Variants in RIBC2 observed in about 807,000 individuals in gnomAD.
RIBC2 encodes the protein RIB43A domain with coiled-coils 2.
In RIBC2, 40 loss-of-function variants were observed where a neutral mutation model predicts 44.3. The observed-to-expected ratio is 0.90, with a 90% CI of 0.70 to 1.18. The LOEUF (loss-of-function observed/expected upper bound fraction) is 1.18, where lower values mean the gene tolerates loss of function less well. Among genes scored for constraint, RIBC2 ranks in the 50% most tolerant of loss-of-function variants. RIBC2 has a pLI of 0.00. For synonymous variants in RIBC2, 171 were observed against 175.0 expected, an observed-to-expected ratio of 0.98 and a Z score of 0.18; for missense variants, 459 against 485.5, an observed-to-expected ratio of 0.95 and a Z score of 0.51.
chr22:45,431,139 C>G, intron 6 of RIBC2, 73 bp downstream of exon 6: 1 of 1,508,340 alleles, frequency 6.6e-7, no homozygotes, highest in Non-Finnish European at 9.0e-7. Context: ...AGGTCAAGGA[C>G]GAGGAGGGGG....
At position 45,419,606 on chromosome 22, in the gene RIBC2, C is replaced by G. The variant is rs910064467; in HGVS notation, c.556+1660C>G. On this transcript the variant is annotated intron_variant, in intron 3 of 6. Transcript: ENST00000614167. Reference sequence around the variant, plus strand: ...AAAGTTAGCTGGGCATGGTGTCGTGCCCATGTAGTCCCAGCTACTCAGGAG... The same window carrying G: ...AAAGTTAGCTGGGCATGGTGTCGTGGCCATGTAGTCCCAGCTACTCAGGAG... Among the ~76,000 whole-genome samples, 8 of 152,224 alleles carry G rather than the reference C, an allele frequency of 5.3e-5. No homozygotes were observed. The East Asian group carries it at 1.2e-3, about 22-fold the overall frequency.
At chr22:45,414,745 A>T (rs1243732348) in intron 2 of RIBC2, among the ~76,000 whole-genome samples, 1 of 152,198 alleles carries the variant, frequency 6.6e-6, no homozygotes, top group Non-Finnish European at 1.5e-5. Flanking sequence ...TTCTTCTCTT[A>T]AAAACAGCTA....
At chr22:45,425,084 G>A (rs1189814045) in intron 4 of RIBC2, among the ~76,000 whole-genome samples, 1 of 151,922 alleles carries the variant, frequency 6.6e-6, no homozygotes, top group Non-Finnish European at 1.5e-5. Flanking sequence ...TTGTGCCACT[G>A]CACTCCAGCC....
At chr22:45,423,429 C>G (rs2087505385) in intron 4 of RIBC2, among the ~76,000 whole-genome samples, 1 of 152,168 alleles carries the variant, frequency 6.6e-6, no homozygotes, top group Admixed American at 6.6e-5. Context: ...CCAAAGAAGG[C>G]TGTGCAGGAT....
At chr22:45,418,159 CAGGAGGGAAA>C in intron 3 of RIBC2, 2 of 440,044 alleles carry the variant, frequency 4.5e-6, no homozygotes, top group Non-Finnish European at 8.1e-6. Flanking sequence ...GCCTGCCCTC[CAGGAGGGAAA>C]CACCTGCAAT....
intron 3 of RIBC2, among the ~76,000 whole-genome samples, chr22:45,419,991 A>G (rs2087462512): frequency 6.6e-6 from 1 of 152,220 alleles, no homozygotes; most frequent in Admixed American, 6.5e-5. Context: ...GTGCCACTGC[A>G]CTCCACCCTG....
At chr22:45,431,366 G>A (rs2146892790) in intron 6 of RIBC2, among the ~76,000 whole-genome samples, 1 of 152,280 alleles carries the variant, frequency 6.6e-6, no homozygotes, top group African/African-American at 2.4e-5. Context: ...GACCCAGGAG[G>A]AGGATGGCAC....
chr22:45,432,117 CG>C (rs1569212820), intron 6 of RIBC2, among the ~76,000 whole-genome samples, 166 bp from the exon 7 acceptor site: 1 of 151,508 alleles, frequency 6.6e-6, no homozygotes, highest in African/African-American at 2.4e-5. Flanking sequence ...CGCTGAGGAG[CG>C]GTTGAGATGG....
In RIBC2 at chr22:45,414,370, G is replaced by A. The variant is rs1249305820; in HGVS notation, c.178G>A (p.Glu60Lys). Residue 60 changes from glutamate (E) to lysine (K), a missense_variant, in exon 2 of 7, where the codon GAA (glutamate) becomes AAA (lysine). Coordinates refer to ENST00000614167, the MANE Select transcript of RIBC2 (RefSeq NM_015653.5). ...DVQVHDQKIK[E>K]ATEKARHETF... is the part of the protein sequence containing the mutation. ...TCAAGTTCATGACCAGAAGATAAAA[G>A]AAGCTACTGAAAAAGCTAGACATGA... The A allele has an allele frequency of 7.1e-6, 11 of 1,551,032 alleles. No individual in the cohort carries two copies. Among genetic ancestry groups the A allele is most frequent in the Non-Finnish European group, 8.7e-6 (10 of 1,146,752 alleles).
Position 45,426,052 on chromosome 22 carries a change from C to G in RIBC2, c.780C>G (p.Asn260Lys). The change falls in exon 5 of 7, where the codon AAC (asparagine) becomes AAG (lysine). Residue 260 changes from asparagine to lysine, a missense_variant. Asn to Lys is a moderately conservative substitution (Grantham distance 94). Coordinates refer to ENST00000614167, the MANE Select transcript of RIBC2 (RefSeq NM_015653.5). ...TGCGTGGGGACCTGCTCTCCGAGAA[C>G]CCGCAGCAGGCAGCCAGCTCCTTCG... ...NLLRGDLLSE[N>K]PQQAASSFGP... 1 of 1,614,104 alleles carries G rather than the reference C, an allele frequency of 6.2e-7. No homozygotes were observed. Among genetic ancestry groups the G allele is most frequent in the East Asian group, 2.2e-5 (1 of 44,886 alleles).
rs757803429 is a variant in RIBC2, at chr22:45,432,305, C to T, written c.1092C>T (p.Val364=). ...TCAGGAAAAAATATATGAATGAAGT[C>T]TATACAAATCAACCCACGGGAGACT... ...QHLQKKYMNE[V]YTNQPTGDYF... Residue 364 remains valine, a synonymous_variant, in exon 7 of 7, where the codon GTC becomes GTT. Transcript: ENST00000614167. The T allele has an allele frequency of 1.3e-6, 2 of 1,585,180 alleles. No individual in the cohort carries two copies. Among genetic ancestry groups the T allele is most frequent in the Admixed American group, 3.4e-5 (2 of 58,716 alleles).
At position 45,414,530 on chromosome 22, in the gene RIBC2, G is replaced by A. The variant is rs1296340399; in HGVS notation, c.211+127G>A. On this transcript the variant is annotated intron_variant, in intron 2 of 6. Coordinates refer to ENST00000614167, the MANE Select transcript of RIBC2 (RefSeq NM_015653.5). Reference sequence around the variant, plus strand: ...TTATTTTTTTTATTTAATAGAGATAGGGTCTCACTATGTTGCCCAGGCTGG... The same window carrying A: ...TTATTTTTTTTATTTAATAGAGATAAGGTCTCACTATGTTGCCCAGGCTGG... 8.8e-6 allele frequency: 5 copies of A among 565,524 alleles called. No homozygotes were observed. The Admixed American group carries it at 1.1e-4, about 12-fold the overall frequency. 35.0% of individuals were successfully genotyped at this position (565,524 alleles called of 1,614,324 possible).
Position 45,417,710 on chromosome 22 carries a change from A to G in RIBC2, c.320A>G (p.Gln107Arg). 6.2e-7 allele frequency: 1 copy of G among 1,614,200 alleles called. No homozygotes were observed. Among genetic ancestry groups the G allele is most frequent in the Non-Finnish European group, 8.5e-7 (1 of 1,180,034 alleles). Reference sequence around the variant, plus strand: ...ATCAATGACTTCCAACAGAGCTTTCAGAAGCCAGAAACTCGCCGTGAATTT... The same window carrying G: ...ATCAATGACTTCCAACAGAGCTTTCGGAAGCCAGAAACTCGCCGTGAATTT... Reference protein sequence around the residue: ...RAINDFQQSFQKPETRREFDL... With the variant: ...RAINDFQQSFRKPETRREFDL... The change falls in exon 3 of 7, where the codon CAG (glutamine) becomes CGG (arginine). Residue 107 changes from glutamine (Q) to arginine (R), a missense_variant. Coordinates refer to ENST00000614167, the MANE Select transcript of RIBC2 (RefSeq NM_015653.5).
At chr22:45,429,757 C>A (rs1238718552) in intron 5 of RIBC2, among the ~76,000 whole-genome samples, 1 of 152,124 alleles carries the variant, frequency 6.6e-6, no homozygotes, top group Non-Finnish European at 1.5e-5. Context: ...CACAGGAGAT[C>A]GGCCGGCCAT....
chr22:45,432,481 C>A lies in RIBC2; in HGVS notation c.*119C>A. ...CAAGTACCCTTCAGCTGTAATCGTC[C>A]ACTGTGGACAAAACATTTATCTAAC... is the stretch of plus-strand genomic sequence containing the variant. On this transcript the variant is annotated 3_prime_UTR_variant, in exon 7 of 7. Coordinates refer to ENST00000614167, the MANE Select transcript of RIBC2 (RefSeq NM_015653.5). 3.1e-6 allele frequency: 2 copies of A among 645,660 alleles called. No individual in the cohort carries two copies. Among genetic ancestry groups the A allele is most frequent in the Non-Finnish European group, 2.8e-6 (1 of 362,780 alleles). 40.0% of individuals were successfully genotyped at this position (645,660 alleles called of 1,614,324 possible).
intron 2 of RIBC2, among the ~76,000 whole-genome samples, chr22:45,414,812 T>C (rs1016508836): frequency 6.6e-5 from 10 of 152,160 alleles, no homozygotes; most frequent in Non-Finnish European, 8.8e-5. Context: ...TATGTTTTCC[T>C]TCATTTTCTT....
chr22:45,414,263 G>T, intron 1 of RIBC2, 59 bp from the exon 2 acceptor site: 1 of 1,519,070 alleles, frequency 6.6e-7, no homozygotes, highest in Non-Finnish European at 8.8e-7. Context: ...AAGTAGGATT[G>T]TTATTACTGA....
At chr22:45,416,681 C>G (rs1358542007) in intron 2 of RIBC2, among the ~76,000 whole-genome samples, 1 of 151,908 alleles carries the variant, frequency 6.6e-6, no homozygotes, top group Admixed American at 6.6e-5. Flanking sequence ...AGGATAAGCT[C>G]TATCTCTTGA....
chr22:45,425,223 G>T (rs561417246), intron 4 of RIBC2, among the ~76,000 whole-genome samples: 44 of 152,302 alleles, frequency 2.9e-4, no homozygotes, highest in Non-Finnish European at 4.1e-4. Context: ...CGGTATTGAA[G>T]TTGGGCCTGT....
Sources: gnomAD v4.1 joint callset for allele counts (sites outside exome capture counted in the v4.1 genomes callset) on GRCh38, gnomAD v4.1.1 for gene constraint, MANE v1.5 for transcripts, NCBI Gene and HGNC (gene_info 2026-07-23, HGNC 2026-07-21) for gene names.